The following CGNL1 variants were observed in gnomAD, a reference collection of about 807,000 sequenced individuals.
The protein encoded by CGNL1 is cingulin like 1, also known as cingulin-like protein 1.
CGNL1 carries 132 observed loss-of-function variants against 141.2 expected under a neutral mutation model. That is an observed-to-expected ratio of 0.93 (90% CI 0.81 to 1.08). CGNL1 has a LOEUF of 1.08. Ranked by LOEUF, CGNL1 falls within the 50% of genes least tolerant of loss-of-function variation. The pLI, the probability that CGNL1 is intolerant of heterozygous loss-of-function variation, is 0.00. For synonymous variants in CGNL1, 690 were observed against 622.1 expected, an observed-to-expected ratio of 1.11 and a Z score of -1.63; for missense variants, 1,870 against 1,588.6, an observed-to-expected ratio of 1.18 and a Z score of -3.01.
chr15:57,438,931 G>C lies in CGNL1; in HGVS notation c.932G>C (p.Arg311Thr). The change falls in exon 2 of 19, where the codon AGG becomes ACG. Residue 311 changes from arginine to threonine, a missense_variant. Coordinates refer to ENST00000281282, the MANE Select transcript of CGNL1 (RefSeq NM_032866.5). ...TTPTSANSLY[R>T]FLLDDQECAI... Reference sequence around the variant, plus strand: ...CCCACGTCAGCCAACTCTTTGTACAGGTTTTTACTGGATGATCAGGAATGT... The same window carrying C: ...CCCACGTCAGCCAACTCTTTGTACACGTTTTTACTGGATGATCAGGAATGT... 6.2e-7 allele frequency: 1 copy of C among 1,614,174 alleles called. No homozygotes were observed. The highest frequency in any genetic ancestry group is 8.5e-7 in the Non-Finnish European group (1 of 1,180,034).
intron 8 of CGNL1, among the ~76,000 whole-genome samples, chr15:57,479,133 G>C (rs1358977132): frequency 6.6e-6 from 1 of 152,178 alleles, no homozygotes; most frequent in Non-Finnish European, 1.5e-5. Flanking sequence ...TTGGGTCCCT[G>C]GTTTATTGCC....
chr15:57,512,119 C>A (rs762182331), intron 8 of CGNL1, among the ~76,000 whole-genome samples: 1 of 152,146 alleles, frequency 6.6e-6, no homozygotes, highest in Non-Finnish European at 1.5e-5. Flanking sequence ...CCATGAGACA[C>A]AAAGTCTCAT....
intron 1 of CGNL1, among the ~76,000 whole-genome samples, chr15:57,410,943 G>C (rs1291195732): frequency 6.6e-6 from 1 of 152,194 alleles, no homozygotes; most frequent in Non-Finnish European, 1.5e-5. Context: ...TGTGGTGTTG[G>C]TGTTTTCATA....
At chr15:57,442,281 A>G (rs1054191135) in intron 3 of CGNL1, 92 bp from the exon 4 acceptor site, 16 of 668,222 alleles carry the variant, frequency 2.4e-5, no homozygotes, top group African/African-American at 5.5e-5. Flanking sequence ...TTATCTCCTT[A>G]AAGGACCTGT....
chr15:57,382,869 C>T (rs1478960029), intron 1 of CGNL1, among the ~76,000 whole-genome samples: 1 of 152,100 alleles, frequency 6.6e-6, no homozygotes, highest in Non-Finnish European at 1.5e-5. Flanking sequence ...GTTAAACTTT[C>T]AACAATGGGG....
intron 8 of CGNL1, among the ~76,000 whole-genome samples, chr15:57,464,872 C>G (rs2063492476): frequency 6.6e-6 from 1 of 151,972 alleles, no homozygotes; most frequent in Non-Finnish European, 1.5e-5. Context: ...GCCTCAGCCT[C>G]CCAAGTAGCT....
At chr15:57,376,695 C>T (rs2062366681) in intron 1 of CGNL1, 128 bp downstream of exon 1, 1 of 151,564 alleles carries the variant, frequency 6.6e-6, no homozygotes, top group African/African-American at 2.4e-5. Flanking sequence ...GTGCTCAGTC[C>T]GCGCGTCCAC....
At chr15:57,458,953 T>G (rs1453705041) in intron 7 of CGNL1, among the ~76,000 whole-genome samples, 8 of 152,222 alleles carry the variant, frequency 5.3e-5, no homozygotes, top group Non-Finnish European at 1.0e-4. Context: ...AGCCCCACCC[T>G]GGGATTGTAG....
chr15:57,517,520 G>A (rs1287124842), intron 9 of CGNL1, among the ~76,000 whole-genome samples: 1 of 152,186 alleles, frequency 6.6e-6, no homozygotes, highest in Non-Finnish European at 1.5e-5. Flanking sequence ...AGTCTGTCCT[G>A]TGCTGCTATC....
At chr15:57,492,105 C>G (rs1180061618) in intron 8 of CGNL1, among the ~76,000 whole-genome samples, 1 of 152,178 alleles carries the variant, frequency 6.6e-6, no homozygotes, top group African/African-American at 2.4e-5. Flanking sequence ...TCATTTAAGG[C>G]TTTTAGTCTT....
At chr15:57,526,661 G>GC (rs1220810761) in intron 12 of CGNL1, among the ~76,000 whole-genome samples, 2 of 146,812 alleles carry the variant, frequency 1.4e-5, no homozygotes, top group African/African-American at 2.7e-5. Context: ...AGCAAAGGGT[G>GC]ATTTTAACTA....
At chr15:57,502,997 A>G (rs866007599) in intron 8 of CGNL1, among the ~76,000 whole-genome samples, 2 of 152,330 alleles carry the variant, frequency 1.3e-5, no homozygotes, top group African/African-American at 2.4e-5. Flanking sequence ...GGAATATGTC[A>G]GTACCAGGCA....
At chr15:57,493,761 T>G (rs993493576) in intron 8 of CGNL1, among the ~76,000 whole-genome samples, 2 of 152,244 alleles carry the variant, frequency 1.3e-5, no homozygotes, top group Non-Finnish European at 2.9e-5. Flanking sequence ...TTTAGTGAGA[T>G]TGCATATTCT....
intron 8 of CGNL1, among the ~76,000 whole-genome samples, chr15:57,464,695 C>CTTTCA (rs1418376147): frequency 6.3e-5 from 9 of 142,848 alleles, no homozygotes; most frequent in Non-Finnish European, 1.2e-4. Context: ...CTTTCCTTTC[C>CTTTCA]TTTCCTTTCC....
intron 1 of CGNL1, among the ~76,000 whole-genome samples, chr15:57,383,293 T>C (rs553100569): frequency 3.5e-4 from 32 of 90,922 alleles, no homozygotes; most frequent in Admixed American, 3.1e-3. Context: ...TCTTTCTTCC[T>C]TTTTTTTTTT....
At chr15:57,415,118 T>C (rs555391849) in intron 1 of CGNL1, among the ~76,000 whole-genome samples, 2 of 152,190 alleles carry the variant, frequency 1.3e-5, no homozygotes, top group South Asian at 4.1e-4. Flanking sequence ...CCTTATCTCA[T>C]CTCAGCTTCG....
chr15:57,523,164 T>G lies in CGNL1; in HGVS notation c.2716-325T>G, dbSNP rs3816915. On this transcript the variant is annotated intron_variant, in intron 10 of 18. Coordinates refer to ENST00000281282, the MANE Select transcript of CGNL1 (RefSeq NM_032866.5). ...GTAATGTATAACTTGACCTCGAATT[T>G]CAAGCATGAACATTCAGGTTTTCAG... Among the ~76,000 whole-genome samples the G allele has an allele frequency of 2.3e-3, 349 of 152,356 alleles. 7 individuals are homozygous for G. The East Asian group carries it at 0.058, about 25-fold the overall frequency.
intron 8 of CGNL1, among the ~76,000 whole-genome samples, chr15:57,494,388 T>C (rs1325553320): frequency 6.6e-6 from 1 of 152,180 alleles, no homozygotes; most frequent in Admixed American, 6.5e-5. Context: ...TGTGGTTCTG[T>C]TGAAATCCAG....
intron 8 of CGNL1, among the ~76,000 whole-genome samples, chr15:57,483,211 C>A (rs965226491): frequency 1.6e-4 from 25 of 152,090 alleles, no homozygotes; most frequent in African/African-American, 5.3e-4. Context: ...AGTAAATCTC[C>A]ATTTATTTAG....
Sources: allele counts gnomAD v4.1 joint callset (sites outside exome capture counted in the v4.1 genomes callset), GRCh38; gene constraint gnomAD v4.1.1; transcripts MANE v1.5; gene names NCBI Gene and HGNC (gene_info 2026-07-23, HGNC 2026-07-21).